COL26A1: variants seen among roughly 807,000 people sequenced by gnomAD.
COL26A1 encodes the protein collagen type XXVI alpha 1 chain, also known as collagen alpha-1(XXVI) chain.
A neutral mutation model predicts 59.3 loss-of-function variants in COL26A1; 41 were observed. That is an observed-to-expected ratio of 0.69 (90% CI 0.54 to 0.90). The LOEUF (loss-of-function observed/expected upper bound fraction) is 0.90. Ranked by LOEUF, COL26A1 falls within the 40% of genes least tolerant of loss-of-function variation. COL26A1 has a pLI of 0.00. For synonymous variants in COL26A1, 266 were observed against 256.0 expected, an observed-to-expected ratio of 1.04 and a Z score of -0.37; for missense variants, 612 against 602.3, an observed-to-expected ratio of 1.02 and a Z score of -0.17.
chr7:101,531,034 G>C (rs905693476), intron 3 of COL26A1, among the ~76,000 whole-genome samples: 1 of 151,548 alleles, frequency 6.6e-6, no homozygotes, highest in Non-Finnish European at 1.5e-5. Context: ...GCAGTGGTGC[G>C]ATCTCGGCTC....
intron 1 of COL26A1, among the ~76,000 whole-genome samples, chr7:101,400,973 GTC>G (rs1791983249): frequency 6.6e-6 from 1 of 152,186 alleles, no homozygotes; most frequent in Non-Finnish European, 1.5e-5. Flanking sequence ...AGGGCCTGTG[GTC>G]TCTCTGCAGG....
chr7:101,370,841 C>T (rs1045587400), intron 1 of COL26A1, among the ~76,000 whole-genome samples: 3 of 152,204 alleles, frequency 2.0e-5, no homozygotes, highest in Non-Finnish European at 2.9e-5. Context: ...ACCCTTCCTC[C>T]AGGAAGTCTC....
At chr7:101,548,596 G>A (rs1014144421) in intron 8 of COL26A1, among the ~76,000 whole-genome samples, 3 of 149,666 alleles carry the variant, frequency 2.0e-5, no homozygotes, top group Admixed American at 2.0e-4. Context: ...GGAGAGTGGA[G>A]GAATAGGGAG....
chr7:101,471,567 G>GTTTTTTTTTTTTTTTTTTTTTTTTTTTTT (rs796287195), intron 3 of COL26A1, among the ~76,000 whole-genome samples: 1 of 112,386 alleles, frequency 8.9e-6, no homozygotes, highest in African/African-American at 3.5e-5. Flanking sequence ...TGTTGTTGTT[G>GTTTTTTTTTTTTTTTTTTTTTTTTTTTTT]TTTGTTTTTT....
chr7:101,507,421 T>C lies in COL26A1; in HGVS notation c.386-25661T>C, dbSNP rs114988757. Among the ~76,000 whole-genome samples the C allele has an allele frequency of 2.3e-3, 353 of 152,126 alleles. 4 individuals carry two copies. Among genetic ancestry groups the C allele is most frequent in the African/African-American group, 8.3e-3 (345 of 41,502 alleles). ...TTCTGCCCCTCCTGGCTTTGTTTTT[T>C]GTTGGGTGGGGGGAGCAGGAGACAG... On this transcript the variant is annotated intron_variant, in intron 3 of 12. Coordinates refer to ENST00000313669, the MANE Select transcript of COL26A1 (RefSeq NM_001278563.3).
chr7:101,439,283 G>A (rs1792989562), intron 2 of COL26A1, among the ~76,000 whole-genome samples: 1 of 152,076 alleles, frequency 6.6e-6, no homozygotes, highest in Non-Finnish European at 1.5e-5. Context: ...TGTGGTGGGA[G>A]ACCTTAGAAA....
At chr7:101,553,533 C>T (rs1473300027) in intron 11 of COL26A1, among the ~76,000 whole-genome samples, 157 bp downstream of exon 11, 2 of 2,356 alleles carry the variant, frequency 8.5e-4, no homozygotes, top group Non-Finnish European at 1.5e-3. Flanking sequence ...GAGAAGTTCA[C>T]AGCCCCATGG....
intron 3 of COL26A1, among the ~76,000 whole-genome samples, chr7:101,461,916 G>A (rs1355238976): frequency 2.0e-5 from 3 of 152,128 alleles, no homozygotes; most frequent in Non-Finnish European, 4.4e-5. Flanking sequence ...GCCATGGGGT[G>A]GGTTGATTGG....
chr7:101,496,434 G>A (rs1794586247), intron 3 of COL26A1, among the ~76,000 whole-genome samples: 1 of 152,226 alleles, frequency 6.6e-6, no homozygotes, highest in East Asian at 1.9e-4. Flanking sequence ...TTTGGGGCTG[G>A]GGTTTGGGGG....
intron 1 of COL26A1, among the ~76,000 whole-genome samples, 152 bp from the exon 2 acceptor site, chr7:101,419,825 G>A (rs1460564438): frequency 6.6e-6 from 1 of 152,164 alleles, no homozygotes; most frequent in Non-Finnish European, 1.5e-5. Context: ...CCCTCAGACC[G>A]AGACAGAGGG....
intron 9 of COL26A1, among the ~76,000 whole-genome samples, chr7:101,550,167 G>T (rs1013318348): frequency 3.3e-5 from 5 of 152,148 alleles, no homozygotes; most frequent in African/African-American, 1.2e-4. Context: ...TCTTTAAAAA[G>T]CTCCTCTGAG....
At chr7:101,399,144 A>G (rs1013306146) in intron 1 of COL26A1, among the ~76,000 whole-genome samples, 1 of 151,524 alleles carries the variant, frequency 6.6e-6, no homozygotes, top group Non-Finnish European at 1.5e-5. Flanking sequence ...CATCTCTACA[A>G]AAAATTTCAA....
rs1794353924 is a variant in COL26A1 at position 101,489,663 on chromosome 7, TC to T, written c.385+41878del. The stretch of plus-strand genomic sequence containing the variant: ...TTTCTTTCTTTCTTTCTTTCTTTCT[TC>T]CTTCCTTCCTTCCTTCCTTTCTTTC... On this transcript the variant is annotated intron_variant, in intron 3 of 12. Transcript: ENST00000313669. Among the ~76,000 whole-genome samples, 2 of 51,740 alleles carry T rather than the reference TC, an allele frequency of 3.9e-5. 1 individual carries two copies. Among genetic ancestry groups the T allele is most frequent in the African/African-American group, 4.1e-4 (2 of 4,906 alleles). 33.9% of individuals were successfully genotyped at this position (51,740 alleles called of 152,430 possible).
intron 3 of COL26A1, among the ~76,000 whole-genome samples, chr7:101,530,967 TG>T (rs921780175): frequency 1.3e-5 from 2 of 151,998 alleles, no homozygotes; most frequent in African/African-American, 4.8e-5. Flanking sequence ...TTTTGTTTTT[TG>T]TTTTTTTGTT....
rs1185449488 is a variant in COL26A1 at position 101,387,774 on chromosome 7, A to AT, written c.158+24585dup. On this transcript the variant is annotated intron_variant, in intron 1 of 12. Coordinates refer to ENST00000313669, the MANE Select transcript of COL26A1 (RefSeq NM_001278563.3). ...TATATTTATATATATATATATATAT[A>AT]TATATTTTTTTTTAAGACAGAGTCT... 3.3e-3 allele frequency among the ~76,000 whole-genome samples: 161 copies of AT among 48,884 alleles called. 1 individual carries two copies. Among genetic ancestry groups the AT allele is most frequent in the East Asian group, 0.024 (41 of 1,714 alleles). 32.1% of individuals were successfully genotyped at this position (48,884 alleles called of 152,430 possible).
chr7:101,363,028 G>C lies in COL26A1; in HGVS notation c.-5G>C. Reference sequence around the variant, plus strand: ...ACTCCGGGTCCCCGCGGGCTGCTGCGCACGATGAAGCTGGCCCTGCTCCTG... The same window carrying C: ...ACTCCGGGTCCCCGCGGGCTGCTGCCCACGATGAAGCTGGCCCTGCTCCTG... On this transcript the variant is annotated 5_prime_UTR_variant, in exon 1 of 13. Transcript: ENST00000313669. 6.4e-7 allele frequency: 1 copy of C among 1,573,786 alleles called. No homozygotes were observed.
At chr7:101,487,305 G>A (rs948801427) in intron 3 of COL26A1, among the ~76,000 whole-genome samples, 2 of 152,060 alleles carry the variant, frequency 1.3e-5, no homozygotes, top group Non-Finnish European at 2.9e-5. Flanking sequence ...AAGATACCCA[G>A]CTTTACCCTT....
intron 3 of COL26A1, among the ~76,000 whole-genome samples, chr7:101,495,437 C>T (rs1248711808): frequency 1.3e-5 from 2 of 150,296 alleles, no homozygotes; most frequent in East Asian, 2.0e-4. Flanking sequence ...AAGATGGAGT[C>T]TCGCTCTGTC....
At chr7:101,550,361 T>C (rs28718749) in intron 9 of COL26A1, among the ~76,000 whole-genome samples, 57,144 of 151,808 alleles carry the variant, frequency 0.38, 11,243 homozygotes, top group African/African-American at 0.47. Context: ...CTTGGGAGGC[T>C]GAGATGGGAG....
Sources: allele counts gnomAD v4.1 joint callset (sites outside exome capture counted in the v4.1 genomes callset), GRCh38; gene constraint gnomAD v4.1.1; transcripts MANE v1.5; gene names NCBI Gene and HGNC (gene_info 2026-07-23, HGNC 2026-07-21).